NMU: variants seen among roughly 807,000 people sequenced by gnomAD.
NMU encodes the protein neuromedin-U.
In NMU, 29 loss-of-function variants were observed where a neutral mutation model predicts 35.4. The observed-to-expected ratio is 0.82, with a 90% CI of 0.61 to 1.12. The LOEUF is 1.12. Among genes scored for constraint, NMU ranks in the 50% most tolerant of loss-of-function variants. The pLI is 0.00. For synonymous variants in NMU, 78 were observed against 81.3 expected, an observed-to-expected ratio of 0.96 and a Z score of 0.22; for missense variants, 199 against 206.2, an observed-to-expected ratio of 0.97 and a Z score of 0.21.
Position 55,619,333 on chromosome 4 carries a change from C to T in NMU, c.172-2948G>A, listed in dbSNP as rs544025786. Among the ~76,000 whole-genome samples the T allele has an allele frequency of 1.2e-3, 165 of 140,504 alleles. 1 individual carries two copies. Among genetic ancestry groups the T allele is most frequent in the Admixed American group, 2.9e-3 (40 of 13,930 alleles). 92.2% of individuals were successfully genotyped at this position (140,504 alleles called of 152,430 possible). On this transcript the variant is annotated intron_variant, in intron 2 of 9. Transcript: ENST00000264218. ...GCACCTTGCGCGAGCCGAAGCAGGGCGAGGCATTGCCTCACCTGGGAAGCG... is the reference window on the plus strand; with the variant it reads ...GCACCTTGCGCGAGCCGAAGCAGGGTGAGGCATTGCCTCACCTGGGAAGCG...
At chr4:55,612,196 C>T (rs1388160946) in intron 3 of NMU, among the ~76,000 whole-genome samples, 1 of 152,188 alleles carries the variant, frequency 6.6e-6, no homozygotes, top group Non-Finnish European at 1.5e-5. Context: ...CTTCCCTTAA[C>T]AGCTTGGTCA....
At chr4:55,596,893 T>C (rs1324650169) in intron 9 of NMU, among the ~76,000 whole-genome samples, 2 of 152,242 alleles carry the variant, frequency 1.3e-5, no homozygotes, top group Non-Finnish European at 2.9e-5. Flanking sequence ...TGTACTAACT[T>C]GGTTTGAGAC....
chr4:55,603,996 T>TATATATAC (rs1733555088), intron 7 of NMU, among the ~76,000 whole-genome samples: 2 of 32,074 alleles, frequency 6.2e-5, no homozygotes, highest in Non-Finnish European at 1.4e-4. Context: ...TGTATATATA[T>TATATATAC]ACGTATATAT....
intron 4 of NMU, among the ~76,000 whole-genome samples, chr4:55,607,986 C>G (rs1219866630): frequency 6.6e-6 from 1 of 151,962 alleles, no homozygotes; most frequent in African/African-American, 2.4e-5. Flanking sequence ...CTGGCTAACA[C>G]GGTGAAACCC....
intron 2 of NMU, among the ~76,000 whole-genome samples, chr4:55,627,047 T>A (rs1210589112): frequency 2.6e-5 from 4 of 152,178 alleles, no homozygotes; most frequent in Admixed American, 2.6e-4. Flanking sequence ...AGTCATTTAT[T>A]CTCAGGCACT....
intron 3 of NMU, among the ~76,000 whole-genome samples, chr4:55,612,120 A>G (rs183857952): frequency 3.3e-5 from 5 of 152,294 alleles, no homozygotes; most frequent in Non-Finnish European, 7.3e-5. Flanking sequence ...ATCCTTTCTC[A>G]CTGGTTATAT....
Position 55,617,506 on chromosome 4 carries a change from G to GACACACAC in NMU, c.172-1129_172-1122dup, listed in dbSNP as rs147079985. ...CTTGCCATACAAACCTGAAATCATG[G>GACACACAC]ACACACACACACACACACAAACACA... is the stretch of plus-strand genomic sequence containing the variant. On this transcript the variant is annotated intron_variant, in intron 2 of 9. Transcript: ENST00000264218. Among the ~76,000 whole-genome samples the GACACACAC allele has an allele frequency of 3.3e-5, 5 of 149,930 alleles. No homozygotes were observed. The East Asian group carries it at 5.9e-4, about 18-fold the overall frequency.
chr4:55,603,626 C>T (rs934692431), intron 7 of NMU, among the ~76,000 whole-genome samples: 2 of 151,530 alleles, frequency 1.3e-5, no homozygotes, highest in Non-Finnish European at 2.9e-5. Context: ...AAAAATAATC[C>T]TAGAGGCCGG....
chr4:55,607,529 G>A, intron 4 of NMU, 63 bp from the exon 5 acceptor site: 1 of 583,524 alleles, frequency 1.7e-6, no homozygotes, highest in South Asian at 2.6e-5. Context: ...CTTATATACA[G>A]TAATTTTATA....
chr4:55,604,631 A>C (rs1282324626), intron 7 of NMU, among the ~76,000 whole-genome samples: 1 of 134,552 alleles, frequency 7.4e-6, no homozygotes, highest in African/African-American at 2.7e-5. Context: ...CTTGTGCCTC[A>C]GTCTCCGAGT....
intron 7 of NMU, among the ~76,000 whole-genome samples, chr4:55,604,933 T>C (rs1421578037): frequency 6.6e-6 from 1 of 152,106 alleles, no homozygotes; most frequent in Non-Finnish European, 1.5e-5. Context: ...TTATTTGTTC[T>C]CTTATTCCTA....
At chr4:55,599,824 A>G (rs1733351322) in intron 8 of NMU, among the ~76,000 whole-genome samples, 2 of 152,172 alleles carry the variant, frequency 1.3e-5, no homozygotes, top group Admixed American at 1.3e-4. Context: ...CATTTCACAC[A>G]GTACTTTATA....
chr4:55,616,687 A>G (rs1280296553), intron 2 of NMU, among the ~76,000 whole-genome samples: 2 of 152,230 alleles, frequency 1.3e-5, no homozygotes, highest in Admixed American at 6.5e-5. Flanking sequence ...CGTATTATTT[A>G]GCCTGAGAAA....
chr4:55,601,683 T>A (rs1375968494), intron 7 of NMU, among the ~76,000 whole-genome samples: 2 of 152,190 alleles, frequency 1.3e-5, no homozygotes, highest in Non-Finnish European at 2.9e-5. Context: ...TATGTTTATA[T>A]ACCTATATAA....
At chr4:55,634,096 G>A (rs1017180432) in intron 1 of NMU, among the ~76,000 whole-genome samples, 4 of 152,018 alleles carry the variant, frequency 2.6e-5, no homozygotes, top group Admixed American at 2.6e-4. Context: ...TTCCTCTGGC[G>A]TTGCGACATT....
intron 1 of NMU, among the ~76,000 whole-genome samples, chr4:55,633,522 T>C (rs62308712): frequency 0.25 from 37,889 of 152,082 alleles, 5,668 homozygotes; most frequent in South Asian, 0.39. Context: ...ACAGTGCCTG[T>C]ATCATAAAAA....
chr4:55,626,718 A>G (rs182272014), intron 2 of NMU, among the ~76,000 whole-genome samples: 7 of 152,298 alleles, frequency 4.6e-5, no homozygotes, highest in African/African-American at 1.7e-4. Flanking sequence ...AAAAACAAAA[A>G]CAAAACAAAC....
intron 2 of NMU, among the ~76,000 whole-genome samples, chr4:55,629,047 T>C (rs916603332): frequency 1.2e-4 from 19 of 152,160 alleles, no homozygotes; most frequent in African/African-American, 4.1e-4. Context: ...CCCAGGGTTA[T>C]TTACCAAAAT....
intron 1 of NMU, among the ~76,000 whole-genome samples, chr4:55,633,850 T>G (rs1715749327): frequency 6.6e-6 from 1 of 152,212 alleles, no homozygotes; most frequent in Admixed American, 6.5e-5. Context: ...TCTTGACCAT[T>G]TGATAACTTA....
Sources: gnomAD v4.1 joint callset for allele counts (sites outside exome capture counted in the v4.1 genomes callset) on GRCh38, gnomAD v4.1.1 for gene constraint, MANE v1.5 for transcripts, NCBI Gene and HGNC (gene_info 2026-07-23, HGNC 2026-07-21) for gene names.